Variants in FRMD6 observed in about 807,000 individuals in gnomAD.
The protein encoded by FRMD6 is FERM domain-containing protein 6.
Under a neutral mutation model 73.2 loss-of-function variants are expected in FRMD6, and 37 were observed. That is an observed-to-expected ratio of 0.51 (90% CI 0.39 to 0.66). FRMD6 has a LOEUF of 0.66. Among genes scored for constraint, FRMD6 ranks in the 30% least tolerant of loss-of-function variants. The probability of loss-of-function intolerance (pLI) is 0.00; values close to 1 mark genes in which losing one functional copy is unlikely to be tolerated. For synonymous variants in FRMD6, 273 were observed against 282.2 expected, an observed-to-expected ratio of 0.97 and a Z score of 0.33; for missense variants, 714 against 780.5, an observed-to-expected ratio of 0.91 and a Z score of 1.02.
chr14:51,646,922 T>A (rs1391021894), upstream of FRMD6, among the ~76,000 whole-genome samples: 1 of 152,014 alleles, frequency 6.6e-6, no homozygotes, highest in African/African-American at 2.4e-5. Flanking sequence ...CTCTACATTG[T>A]GCAACACCTT....
At chr14:51,657,675 T>C (rs1360988658) in intron 1 of FRMD6, among the ~76,000 whole-genome samples, 2 of 152,156 alleles carry the variant, frequency 1.3e-5, no homozygotes, top group Non-Finnish European at 2.9e-5. Flanking sequence ...TTGAGCACTT[T>C]GGGGTTGAAA....
At chr14:51,508,663 C>T (rs78723702) in intron 1 of FRMD6, among the ~76,000 whole-genome samples, 3,072 of 152,258 alleles carry the variant, frequency 0.02, 76 homozygotes, top group East Asian at 0.072. Context: ...GGCTGTAGCC[C>T]GACTGGAAAA....
intron 1 of FRMD6, among the ~76,000 whole-genome samples, chr14:51,559,887 C>A (rs1253963292): frequency 6.6e-6 from 1 of 152,172 alleles, no homozygotes; most frequent in Non-Finnish European, 1.5e-5. Flanking sequence ...TAAGCACAGT[C>A]ATGTTCATAG....
intron 1 of FRMD6, among the ~76,000 whole-genome samples, chr14:51,518,776 C>T (rs771800517): frequency 1.3e-5 from 2 of 152,134 alleles, no homozygotes; most frequent in Non-Finnish European, 2.9e-5. Flanking sequence ...TGGGATATTG[C>T]TGGGAGATTT....
chr14:51,599,622 T>G (rs1889920406), intron 2 of FRMD6, among the ~76,000 whole-genome samples: 2 of 152,084 alleles, frequency 1.3e-5, no homozygotes, highest in Admixed American at 1.3e-4. Context: ...CTAGAATTCA[T>G]GAGAAACCTA....
chr14:51,576,989 G>A (rs1414943372), intron 2 of FRMD6, among the ~76,000 whole-genome samples: 1 of 152,184 alleles, frequency 6.6e-6, no homozygotes, highest in Non-Finnish European at 1.5e-5. Context: ...AATGTAAGGT[G>A]TTGTTATAAT....
At chr14:51,518,488 C>CTAA (rs1215836682) in intron 1 of FRMD6, among the ~76,000 whole-genome samples, 2 of 152,166 alleles carry the variant, frequency 1.3e-5, no homozygotes, top group Admixed American at 1.3e-4. Context: ...GATAAGTGTA[C>CTAA]TAATGTTCCC....
Position 51,691,270 on chromosome 14 carries a change from T to G in FRMD6, c.99+1335T>G, listed in dbSNP as rs56716100. On this transcript the variant is annotated intron_variant, in intron 2 of 13. Transcript: ENST00000344768. The stretch of plus-strand genomic sequence containing the variant: ...TTCATCTACTGTTGATGGATAGATA[T>G]TGAGTTTTGGGCTATTGTAAAACTG... Among the ~76,000 whole-genome samples, 4 of 152,346 alleles carry G rather than the reference T, an allele frequency of 2.6e-5. No homozygotes were observed. In the South Asian group the frequency reaches 6.2e-4, roughly 24 times the overall value.
At chr14:51,558,678 T>A (rs368294532) in intron 1 of FRMD6, among the ~76,000 whole-genome samples, 21 of 152,214 alleles carry the variant, frequency 1.4e-4, no homozygotes, top group Non-Finnish European at 2.9e-4. Flanking sequence ...TTTTTCTTTT[T>A]ACTTAGAGAC....
chr14:51,451,843 G>T, the FRMD6 span, among the ~76,000 whole-genome samples: 1 of 152,304 alleles, frequency 6.6e-6, no homozygotes, highest in East Asian at 1.9e-4. Flanking sequence ...CATTTTTCCC[G>T]TACAACCTGC....
At chr14:51,441,196 A>G in the FRMD6 span, among the ~76,000 whole-genome samples, 2 of 152,216 alleles carry the variant, frequency 1.3e-5, no homozygotes, top group Non-Finnish European at 2.9e-5. Flanking sequence ...TGTTATATGG[A>G]CACATTGTAT....
intron 1 of FRMD6, among the ~76,000 whole-genome samples, chr14:51,507,292 G>A (rs914287654): frequency 6.6e-6 from 1 of 152,186 alleles, no homozygotes; most frequent in Non-Finnish European, 1.5e-5. Context: ...CAACCCAGGG[G>A]GAGCCCAGTT....
chr14:51,495,619 G>A (rs1596492866), intron 1 of FRMD6, among the ~76,000 whole-genome samples: 1 of 152,146 alleles, frequency 6.6e-6, no homozygotes, highest in South Asian at 2.1e-4. Flanking sequence ...AGCTTTGGGG[G>A]CATTGATATT....
At chr14:51,421,072 G>T in the FRMD6 span, among the ~76,000 whole-genome samples, 1 of 152,150 alleles carries the variant, frequency 6.6e-6, no homozygotes, top group African/African-American at 2.4e-5. Context: ...CACTGTGCCG[G>T]CTGTTTTTAT....
chr14:51,485,317 C>T (rs1157675027), upstream of FRMD6, among the ~76,000 whole-genome samples: 1 of 152,206 alleles, frequency 6.6e-6, no homozygotes, highest in Non-Finnish European at 1.5e-5. Context: ...TTCTTCTCTT[C>T]TTAGAAGAAA....
intron 9 of FRMD6, among the ~76,000 whole-genome samples, chr14:51,713,155 T>C (rs1363857739): frequency 6.6e-6 from 1 of 152,076 alleles, no homozygotes; most frequent in Non-Finnish European, 1.5e-5. Flanking sequence ...GTACATTTGG[T>C]CATAAAAATT....
At chr14:51,661,869 G>A (rs1161693198) in intron 1 of FRMD6, among the ~76,000 whole-genome samples, 1 of 152,218 alleles carries the variant, frequency 6.6e-6, no homozygotes, top group Non-Finnish European at 1.5e-5. Flanking sequence ...CAATATTGAT[G>A]TGGGTACATT....
At chr14:51,509,928 C>T (rs1884200657) in intron 1 of FRMD6, among the ~76,000 whole-genome samples, 1 of 152,176 alleles carries the variant, frequency 6.6e-6, no homozygotes, top group Non-Finnish European at 1.5e-5. Context: ...CCTGCGCGTA[C>T]GTGTATATAC....
At chr14:51,588,677 A>C (rs72673984) in intron 2 of FRMD6, among the ~76,000 whole-genome samples, 1 of 152,174 alleles carries the variant, frequency 6.6e-6, no homozygotes, top group South Asian at 2.1e-4. Context: ...GGCTGCCCCA[A>C]CCTCACACTC....
Sources: gnomAD v4.1 joint callset for allele counts (sites outside exome capture counted in the v4.1 genomes callset) on GRCh38, gnomAD v4.1.1 for gene constraint, MANE v1.5 for transcripts, NCBI Gene and HGNC (gene_info 2026-07-23, HGNC 2026-07-21) for gene names.